SLC36A3: variants seen among roughly 807,000 people sequenced by gnomAD.
SLC36A3 encodes solute carrier family 36 member 3.
A neutral mutation model predicts 44.3 loss-of-function variants in SLC36A3; 35 were observed. The observed-to-expected ratio is 0.79, with a 90% CI of 0.60 to 1.05. SLC36A3 has a LOEUF of 1.05. Ranked by LOEUF, SLC36A3 falls within the 50% of genes least tolerant of loss-of-function variation. The probability of loss-of-function intolerance (pLI) is 0.00; values close to 1 mark genes in which losing one functional copy is unlikely to be tolerated. For synonymous variants in SLC36A3, 211 were observed against 227.6 expected, an observed-to-expected ratio of 0.93 and a Z score of 0.66; for missense variants, 540 against 578.7, an observed-to-expected ratio of 0.93 and a Z score of 0.69.
chr5:151,298,346 C>T (rs570665872), intron 2 of SLC36A3: 108 of 457,330 alleles, frequency 2.4e-4, no homozygotes, highest in Non-Finnish European at 3.7e-4. Flanking sequence ...GGGAGGACTG[C>T]GGGGAGAATT....
At chr5:151,282,775 T>C (rs189412294) in intron 8 of SLC36A3, among the ~76,000 whole-genome samples, 10 of 152,344 alleles carry the variant, frequency 6.6e-5, no homozygotes, top group Admixed American at 2.0e-4. Context: ...TCCTAGTGTA[T>C]AAAAAGACCT....
At chr5:151,296,438 C>A in intron 2 of SLC36A3, 170 bp from the exon 3 acceptor site, 1 of 646,926 alleles carries the variant, frequency 1.5e-6, no homozygotes, top group Non-Finnish European at 2.8e-6. Context: ...GAATGCTCTT[C>A]TTAGCATCCC....
intron 8 of SLC36A3, among the ~76,000 whole-genome samples, chr5:151,282,809 C>T (rs181695464): frequency 1.5e-4 from 23 of 152,302 alleles, no homozygotes; most frequent in Admixed American, 1.0e-3. Flanking sequence ...CTTGCCTAAA[C>T]AGTGTGTCGA....
chr5:151,293,436 T>C lies in SLC36A3; in HGVS notation c.332A>G (p.Tyr111Cys), dbSNP rs140552225. 1.9e-6 allele frequency: 3 copies of C among 1,613,528 alleles called. No homozygotes were observed. Among genetic ancestry groups the C allele is most frequent in the Non-Finnish European group, 1.7e-6 (2 of 1,179,666 alleles). Residue 111 changes from tyrosine to cysteine, a missense_variant, in exon 4 of 10, where the codon TAT becomes TGT. Coordinates refer to ENST00000335230, the MANE Select transcript of SLC36A3 (RefSeq NM_181774.4). ...AAGGCCGTACATCGTGGCCTCTCCA[T>C]AGTTCACAAAAGTCTTCTGCAGTCT... The part of the protein sequence containing the change: ...SQRLQKTFVN[Y>C]GEATMYGLET...
At chr5:151,283,466 T>C (rs1179802393) in intron 8 of SLC36A3, among the ~76,000 whole-genome samples, 3 of 152,194 alleles carry the variant, frequency 2.0e-5, no homozygotes, top group Middle Eastern at 3.2e-3. Flanking sequence ...ACAGCCCAAA[T>C]TGCCCAGAAC....
rs1244339623 is a variant in SLC36A3 at position 151,303,316 on chromosome 5, G to A, written c.39C>T (p.Asn13=). The change falls in exon 1 of 10, where the codon AAC becomes AAT. Residue 13 remains asparagine (N), a synonymous_variant. Transcript: ENST00000335230. ...LLGRDYNSEL[N]SLDNGPQSPS... is the part of the protein sequence containing the mutation. ...GTGACTGAGGTCCGTTGTCCAAGGA[G>A]TTCAGCTCACTGTTGTAGTCCCTTC... is the stretch of plus-strand genomic sequence containing the variant. The A allele has an allele frequency of 3.7e-6, 6 of 1,614,072 alleles. No individual in the cohort carries two copies. Among genetic ancestry groups the A allele is most frequent in the Non-Finnish European group, 5.1e-6 (6 of 1,179,970 alleles).
intron 2 of SLC36A3, 27 bp from the exon 3 acceptor site, chr5:151,296,295 G>C: frequency 6.3e-7 from 1 of 1,595,140 alleles, no homozygotes; most frequent in South Asian, 1.1e-5. Context: ...AAAGGGGGAA[G>C]TGAGCCAGAA....
intron 2 of SLC36A3, 86 bp downstream of exon 2, chr5:151,298,507 T>A: frequency 7.5e-7 from 1 of 1,334,776 alleles, no homozygotes; most frequent in Middle Eastern, 1.8e-4. Context: ...AAATTGCCCA[T>A]TGATAACAGT....
intron 9 of SLC36A3, 152 bp downstream of exon 9, chr5:151,280,862 T>C: frequency 1.3e-6 from 1 of 773,654 alleles, no homozygotes; most frequent in South Asian, 1.8e-5. Context: ...AAGCCCTTTT[T>C]TTTCACGTGG....
At chr5:151,296,020 T>C (rs2127269722) in intron 3 of SLC36A3, among the ~76,000 whole-genome samples, 160 bp downstream of exon 3, 1 of 152,332 alleles carries the variant, frequency 6.6e-6, no homozygotes, top group East Asian at 1.9e-4. Flanking sequence ...AGTCTCTAAC[T>C]GGGACTCTCT....
chr5:151,285,283 T>G (rs1754491655), intron 6 of SLC36A3, among the ~76,000 whole-genome samples: 1 of 152,242 alleles, frequency 6.6e-6, no homozygotes, highest in Non-Finnish European at 1.5e-5. Flanking sequence ...GTGTTCATCC[T>G]TTCATCACTT....
chr5:151,303,448 C>G lies in SLC36A3; in HGVS notation c.-94G>C. 19 of 1,367,162 alleles carry G rather than the reference C, an allele frequency of 1.4e-5. No homozygotes were observed. Among genetic ancestry groups the G allele is most frequent in the Non-Finnish European group, 1.9e-5 (19 of 1,000,514 alleles). 84.7% of individuals were successfully genotyped at this position (1,367,162 alleles called of 1,614,324 possible). On this transcript the variant is annotated 5_prime_UTR_variant, in exon 1 of 10. Transcript: ENST00000335230. ...CTCCAGAGAAACCATGGCTGCTGAC[C>G]TGAGATGCTGGCTCCTAACCCCAAG...
intron 3 of SLC36A3, among the ~76,000 whole-genome samples, chr5:151,293,941 C>T (rs72794182): frequency 2.0e-5 from 3 of 152,360 alleles, no homozygotes; most frequent in Non-Finnish European, 4.4e-5. Context: ...GCCTATTCCT[C>T]TTGCCATGTC....
At chr5:151,287,180 C>A in intron 6 of SLC36A3, 66 bp downstream of exon 6, 1 of 1,539,204 alleles carries the variant, frequency 6.5e-7, no homozygotes, top group Non-Finnish European at 8.9e-7. Context: ...ATCATGATAA[C>A]AAACCCTCCT....
At chr5:151,287,224 C>T (rs1399600489) in intron 6 of SLC36A3, 22 bp downstream of exon 6, 2 of 1,612,582 alleles carry the variant, frequency 1.2e-6, no homozygotes, top group Admixed American at 3.3e-5. Flanking sequence ...GACCCTGATC[C>T]TTTCTTCCCT....
In SLC36A3 at chr5:151,303,299, G is replaced by T. The variant is rs1316926882; in HGVS notation, c.56C>A (p.Pro19His). 3 of 1,613,964 alleles carry T rather than the reference G, an allele frequency of 1.9e-6. No individual in the cohort carries two copies. The highest frequency in any genetic ancestry group is 2.5e-6 in the Non-Finnish European group (3 of 1,179,980). The change falls in exon 1 of 10, where the codon CCT becomes CAT. Residue 19 changes from proline to histidine, a missense_variant. Physicochemically the swap from Pro to His is moderately conservative, Grantham distance 77. Coordinates refer to ENST00000335230, the MANE Select transcript of SLC36A3 (RefSeq NM_181774.4). ...ACTGCTGCTCTCTGAGGGTGACTGA[G>T]GTCCGTTGTCCAAGGAGTTCAGCTC... The part of the protein sequence containing the change: ...NSELNSLDNG[P>H]QSPSESSSSI...
At chr5:151,298,347 G>A (rs10071911) in intron 2 of SLC36A3, 4,693 of 462,382 alleles carry the variant, frequency 0.01, 194 homozygotes, top group African/African-American at 0.084. Flanking sequence ...GGAGGACTGC[G>A]GGGAGAATTG....
Position 151,293,405 on chromosome 5 carries a change from G to T in SLC36A3, c.363C>A (p.Thr121=). ...YGEATMYGLE[T]CPNTWLRAHA... ...GGGCCCTCAGCCAGGTGTTCGGGCA[G>T]GTTTCAAGGCCGTACATCGTGGCCT... The change falls in exon 4 of 10, where the codon ACC becomes ACA. Residue 121 remains threonine, a synonymous_variant. Transcript: ENST00000335230. 6.2e-7 allele frequency: 1 copy of T among 1,613,902 alleles called. No individual in the cohort carries two copies. The highest frequency in any genetic ancestry group is 8.5e-7 in the Non-Finnish European group (1 of 1,179,876).
chr5:151,280,088 C>T (rs1223012893), intron 9 of SLC36A3, among the ~76,000 whole-genome samples: 1 of 152,064 alleles, frequency 6.6e-6, no homozygotes, highest in Non-Finnish European at 1.5e-5. Flanking sequence ...CAACAGTGCT[C>T]ATGAGTGAGT....
Sources: allele counts gnomAD v4.1 joint callset (sites outside exome capture counted in the v4.1 genomes callset), GRCh38; gene constraint gnomAD v4.1.1; transcripts MANE v1.5; gene names NCBI Gene and HGNC (gene_info 2026-07-23, HGNC 2026-07-21).